Variants in CNTNAP2 observed in about 807,000 individuals in gnomAD.
The protein encoded by CNTNAP2 is contactin associated protein 2, also known as contactin-associated protein-like 2.
Under a neutral mutation model 155.2 loss-of-function variants are expected in CNTNAP2, and 98 were observed. That is an observed-to-expected ratio of 0.63 (90% confidence interval 0.54 to 0.75). The LOEUF is 0.75. CNTNAP2 is among the 30% of genes least tolerant of loss of function. The pLI is 0.00. For missense variants in CNTNAP2, 1,727 were observed against 1,688.1 expected (o/e 1.02, Z -0.40); for synonymous variants, 651 against 631.2 (o/e 1.03, Z -0.47).
At chr7:146,555,265 T>C (rs1798179992) in intron 1 of CNTNAP2, among the ~76,000 whole-genome samples, 1 of 152,130 alleles carries the variant, frequency 6.6e-6, no homozygotes, top group African/African-American at 2.4e-5. Context: ...TCCCACACCA[T>C]CTCACCCCTA....
intron 9 of CNTNAP2, among the ~76,000 whole-genome samples, chr7:147,391,782 G>A (rs1796722307): frequency 6.6e-6 from 1 of 151,504 alleles, no homozygotes; most frequent in Non-Finnish European, 1.5e-5. Context: ...AGATTTTATA[G>A]TCACGCTTCC....
intron 3 of CNTNAP2, among the ~76,000 whole-genome samples, chr7:146,912,401 G>A (rs563957823): frequency 1.1e-4 from 16 of 151,548 alleles, no homozygotes; most frequent in Non-Finnish European, 2.2e-4. Context: ...TCTAATAATT[G>A]GAAAATTACA....
At chr7:146,178,325 A>T (rs1453949297) in intron 1 of CNTNAP2, among the ~76,000 whole-genome samples, 3 of 151,990 alleles carry the variant, frequency 2.0e-5, no homozygotes, top group Admixed American at 6.6e-5. Flanking sequence ...GAGCTACTGC[A>T]CCCGGCCTGG....
chr7:147,369,941 C>T (rs968515123), intron 9 of CNTNAP2, among the ~76,000 whole-genome samples: 1 of 152,196 alleles, frequency 6.6e-6, no homozygotes, highest in Non-Finnish European at 1.5e-5. Flanking sequence ...GCTTGTCACA[C>T]GTGGTCGGTC....
chr7:146,913,550 G>C (rs1248379183), intron 3 of CNTNAP2, among the ~76,000 whole-genome samples: 1 of 152,054 alleles, frequency 6.6e-6, no homozygotes, highest in East Asian at 1.9e-4. Context: ...GTTTTTGGTG[G>C]TGGCCCTCTT....
chr7:148,165,988 C>A (rs1321856362), intron 17 of CNTNAP2, among the ~76,000 whole-genome samples: 1 of 152,050 alleles, frequency 6.6e-6, no homozygotes, highest in African/African-American at 2.4e-5. Context: ...AGGATGGTAC[C>A]CCCTTACCTT....
chr7:146,644,615 G>T (rs1035549482), intron 1 of CNTNAP2, among the ~76,000 whole-genome samples: 1 of 151,444 alleles, frequency 6.6e-6, no homozygotes, highest in East Asian at 1.9e-4. Flanking sequence ...TCTAAAATTC[G>T]CAAATAGACG....
chr7:147,791,140 T>C (rs1797812587), intron 13 of CNTNAP2, among the ~76,000 whole-genome samples: 2 of 152,202 alleles, frequency 1.3e-5, no homozygotes, highest in African/African-American at 4.8e-5. Context: ...TTTGTCCTTT[T>C]CCATTTTATT....
intron 1 of CNTNAP2, among the ~76,000 whole-genome samples, chr7:146,664,697 AGATT>A (rs1205543612): frequency 5.9e-5 from 9 of 152,120 alleles, no homozygotes; most frequent in African/African-American, 1.9e-4. Flanking sequence ...ATTGTTAGCA[AGATT>A]GTTTAGAGGT....
chr7:147,150,952 C>A (rs1028022247), intron 8 of CNTNAP2, among the ~76,000 whole-genome samples: 6 of 152,016 alleles, frequency 3.9e-5, no homozygotes, highest in African/African-American at 7.3e-5. Flanking sequence ...TAATGAAAAC[C>A]AAGAAACAGA....
chr7:148,041,499 G>GATT (rs1420714699), intron 15 of CNTNAP2, among the ~76,000 whole-genome samples: 1 of 152,224 alleles, frequency 6.6e-6, no homozygotes, highest in Non-Finnish European at 1.5e-5. Context: ...TTCAACCCTA[G>GATT]ATTAATCTGA....
intron 13 of CNTNAP2, among the ~76,000 whole-genome samples, chr7:147,809,528 A>C (rs1798147976): frequency 6.6e-6 from 1 of 152,246 alleles, no homozygotes; most frequent in African/African-American, 2.4e-5. Context: ...AGGCCAGATA[A>C]GCTGTAAATT....
chr7:147,182,558 A>G (rs552415379), intron 8 of CNTNAP2, among the ~76,000 whole-genome samples: 8 of 152,048 alleles, frequency 5.3e-5, no homozygotes, highest in African/African-American at 1.7e-4. Context: ...AAATTTCCAT[A>G]TTTACTCTCT....
At chr7:147,977,294 A>T (rs1801440811) in intron 14 of CNTNAP2, among the ~76,000 whole-genome samples, 1 of 152,084 alleles carries the variant, frequency 6.6e-6, no homozygotes, top group Non-Finnish European at 1.5e-5. Context: ...TCTCGGCTCC[A>T]CTCTTCATTG....
intron 17 of CNTNAP2, among the ~76,000 whole-genome samples, chr7:148,148,854 G>T (rs544639589): frequency 6.6e-6 from 1 of 152,236 alleles, no homozygotes; most frequent in Non-Finnish European, 1.5e-5. Flanking sequence ...ATCAGCTGGG[G>T]CTATAAAAGA....
chr7:146,799,957 C>A (rs1802844068), intron 2 of CNTNAP2, among the ~76,000 whole-genome samples: 2 of 146,438 alleles, frequency 1.4e-5, no homozygotes, highest in African/African-American at 2.7e-5. Flanking sequence ...TCAACAAAAT[C>A]TGTTAAATAA....
At chr7:148,392,980 AGACCTCTTACCTCCATCGTTATGACTT>A (rs1799386442) in intron 22 of CNTNAP2, among the ~76,000 whole-genome samples, 1 of 152,232 alleles carries the variant, frequency 6.6e-6, no homozygotes, top group South Asian at 2.1e-4. Flanking sequence ...TGGTTTCTGA[AGACCTCTTACCTCCATCGTTATGACTT>A]CTAAGTTGAT....
At chr7:147,789,672 G>C (rs1162717623) in intron 13 of CNTNAP2, among the ~76,000 whole-genome samples, 1 of 152,220 alleles carries the variant, frequency 6.6e-6, no homozygotes, top group Non-Finnish European at 1.5e-5. Context: ...AAGTCTCCCA[G>C]TGTGTGGGCA....
intron 1 of CNTNAP2, among the ~76,000 whole-genome samples, chr7:146,755,668 C>G (rs1048211290): frequency 1.3e-5 from 2 of 151,860 alleles, no homozygotes; most frequent in Admixed American, 1.3e-4. Flanking sequence ...TAATAGCAAA[C>G]AAATAATTCA....
Sources: allele counts gnomAD v4.1 joint callset (sites outside exome capture counted in the v4.1 genomes callset), GRCh38; gene constraint gnomAD v4.1.1; transcripts MANE v1.5; gene names NCBI Gene and HGNC (gene_info 2026-07-23, HGNC 2026-07-21).